DLG2: variants seen among roughly 807,000 people sequenced by gnomAD.
DLG2 encodes the protein disks large homolog 2.
Under a neutral mutation model 132.5 loss-of-function variants are expected in DLG2, and 45 were observed. The observed-to-expected ratio is 0.34, with a 90% CI of 0.27 to 0.44. The LOEUF (loss-of-function observed/expected upper bound fraction) is 0.44. Ranked by LOEUF, DLG2 falls within the 20% of genes least tolerant of loss-of-function variation. The pLI is 1.00. For synonymous variants in DLG2, 424 were observed against 419.6 expected (o/e 1.01, Z -0.13); for missense variants, 1,045 against 1,196.9 (o/e 0.87, Z 1.87).
chr11:84,970,884 A>C (rs1480669966), intron 6 of DLG2, among the ~76,000 whole-genome samples: 1 of 152,220 alleles, frequency 6.6e-6, no homozygotes, highest in Non-Finnish European at 1.5e-5. Context: ...AGGATAGAGA[A>C]TAGAGACCTT....
intron 26 of DLG2, among the ~76,000 whole-genome samples, chr11:83,463,031 G>A (rs944707437): frequency 3.9e-5 from 6 of 152,100 alleles, no homozygotes; most frequent in Admixed American, 6.6e-5. Context: ...AATCATTACC[G>A]TCTTGCATGC....
intron 11 of DLG2, among the ~76,000 whole-genome samples, chr11:84,034,953 C>T (rs920981058): frequency 2.6e-5 from 4 of 152,152 alleles, no homozygotes; most frequent in African/African-American, 9.7e-5. Context: ...GCTTTTCTTT[C>T]TCTGCCTTTT....
chr11:84,895,311 T>C (rs1346293342), intron 6 of DLG2, among the ~76,000 whole-genome samples: 2 of 152,122 alleles, frequency 1.3e-5, no homozygotes, highest in Admixed American at 6.6e-5. Context: ...AGTTATTGAA[T>C]ACAAATATGA....
chr11:84,568,279 C>T (rs780995305), intron 6 of DLG2, among the ~76,000 whole-genome samples: 12 of 152,126 alleles, frequency 7.9e-5, no homozygotes, highest in Non-Finnish European at 1.2e-4. Flanking sequence ...GAGGCCAAGG[C>T]GGATGGATCA....
At chr11:84,405,991 T>A (rs2098847496) in intron 7 of DLG2, among the ~76,000 whole-genome samples, 1 of 152,178 alleles carries the variant, frequency 6.6e-6, no homozygotes. Context: ...TCATGAGCAA[T>A]AGCCCCCTTC....
intron 18 of DLG2, among the ~76,000 whole-genome samples, chr11:83,677,584 C>T (rs1272021458): frequency 6.6e-6 from 1 of 151,748 alleles, no homozygotes; most frequent in Non-Finnish European, 1.5e-5. Context: ...TTCTGTCTTC[C>T]CACCTAGAAA....
intron 6 of DLG2, among the ~76,000 whole-genome samples, chr11:84,991,936 G>A (rs530746222): frequency 6.6e-5 from 10 of 152,016 alleles, no homozygotes; most frequent in African/African-American, 1.5e-4. Flanking sequence ...ATTCTTTTTG[G>A]TCTAAATTTA....
chr11:84,200,079 T>C (rs2154298147), intron 8 of DLG2, among the ~76,000 whole-genome samples: 1 of 152,150 alleles, frequency 6.6e-6, no homozygotes, highest in African/African-American at 2.4e-5. Flanking sequence ...AAAGGTACTA[T>C]TATAAAAGTG....
intron 6 of DLG2, among the ~76,000 whole-genome samples, chr11:84,643,675 GT>G (rs1396854829): frequency 6.6e-6 from 1 of 152,168 alleles, no homozygotes; most frequent in Admixed American, 6.5e-5. Flanking sequence ...TGGGTTTTCT[GT>G]TTGTTTTTTA....
chr11:84,217,316 A>T (rs188415834), intron 8 of DLG2, among the ~76,000 whole-genome samples: 26 of 152,284 alleles, frequency 1.7e-4, no homozygotes, highest in African/African-American at 6.0e-4. Flanking sequence ...TAATTGAATC[A>T]TGGGGGCAGG....
chr11:84,031,914 AT>A (rs1393209133), intron 11 of DLG2, among the ~76,000 whole-genome samples: 3 of 152,062 alleles, frequency 2.0e-5, no homozygotes, highest in African/African-American at 7.2e-5. Context: ...AAAATTTTTA[AT>A]GATTATTATA....
intron 7 of DLG2, among the ~76,000 whole-genome samples, chr11:84,304,834 A>C (rs1449458614): frequency 6.6e-6 from 1 of 152,226 alleles, no homozygotes; most frequent in Non-Finnish European, 1.5e-5. Flanking sequence ...CTCCTGGACT[A>C]GTTGGAAGGC....
intron 17 of DLG2, among the ~76,000 whole-genome samples, chr11:83,800,344 T>C (rs1041730949): frequency 2.0e-5 from 3 of 152,208 alleles, no homozygotes; most frequent in Non-Finnish European, 2.9e-5. Context: ...ATGCTCAAAA[T>C]GTATTTTGTT....
At chr11:85,010,020 T>G (rs967482360) in intron 6 of DLG2, among the ~76,000 whole-genome samples, 10 of 152,090 alleles carry the variant, frequency 6.6e-5, no homozygotes, top group African/African-American at 2.4e-4. Flanking sequence ...ACTATGAACC[T>G]AGCCATTGTT....
At chr11:84,458,887 A>T (rs996868636) in intron 7 of DLG2, among the ~76,000 whole-genome samples, 3 of 150,706 alleles carry the variant, frequency 2.0e-5, no homozygotes, top group Admixed American at 2.0e-4. Context: ...GTCAAGCAGT[A>T]CACGAAATTC....
At chr11:84,888,655 C>T (rs2088768314) in intron 6 of DLG2, among the ~76,000 whole-genome samples, 1 of 143,440 alleles carries the variant, frequency 7.0e-6, no homozygotes, top group South Asian at 2.2e-4. Flanking sequence ...TACTTTTAAA[C>T]TCATTTGCAT....
At chr11:85,477,658 T>C (rs1173270268) in intron 3 of DLG2, among the ~76,000 whole-genome samples, 1 of 152,198 alleles carries the variant, frequency 6.6e-6, no homozygotes, top group African/African-American at 2.4e-5. Context: ...ACCTAAAACA[T>C]ACCATTTTCA....
chr11:85,468,087 T>G (rs2092857036), intron 3 of DLG2, among the ~76,000 whole-genome samples: 1 of 152,234 alleles, frequency 6.6e-6, no homozygotes, highest in South Asian at 2.1e-4. Context: ...GATTTTCTAG[T>G]TTATTTGTGT....
At chr11:84,237,520 A>G (rs2097173405) in intron 8 of DLG2, among the ~76,000 whole-genome samples, 1 of 152,224 alleles carries the variant, frequency 6.6e-6, no homozygotes, top group African/African-American at 2.4e-5. Context: ...AGTTTCCAAA[A>G]TAAAATACTT....
Sources: gnomAD v4.1 joint callset for allele counts (sites outside exome capture counted in the v4.1 genomes callset) on GRCh38, gnomAD v4.1.1 for gene constraint, MANE v1.5 for transcripts, NCBI Gene and HGNC (gene_info 2026-07-23, HGNC 2026-07-21) for gene names.